The following ANKRD18A variants were observed in gnomAD, a reference collection of about 807,000 sequenced individuals.
The protein encoded by ANKRD18A is ankyrin repeat domain 18A.
ANKRD18A carries 72 observed loss-of-function variants against 110.6 expected under a neutral mutation model. The observed-to-expected ratio is 0.65, with a 90% confidence interval of 0.54 to 0.79. The LOEUF (loss-of-function observed/expected upper bound fraction) is 0.79. Among genes scored for constraint, ANKRD18A ranks in the 30% least tolerant of loss-of-function variants. ANKRD18A has a pLI of 0.00. For synonymous variants in ANKRD18A, 305 were observed against 410.3 expected (o/e 0.74, Z 3.10); for missense variants, 934 against 1,163.3 (o/e 0.80, Z 2.87).
chr9:38,594,222 C>T (rs1042289223), intron 9 of ANKRD18A, among the ~76,000 whole-genome samples: 1 of 152,198 alleles, frequency 6.6e-6, no homozygotes, highest in African/African-American at 2.4e-5. Context: ...CGGATTCCTA[C>T]CTCAGAATAA....
chr9:38,620,421 C>G lies in ANKRD18A; in HGVS notation c.-136G>C, dbSNP rs1826046515. ...CCCCCCCGCAACCCGCGATCCACCCCCAAATCCAAGATCCACCCCCAAACC... is the reference window on the plus strand; with the variant it reads ...CCCCCCCGCAACCCGCGATCCACCCGCAAATCCAAGATCCACCCCCAAACC... On this transcript the variant is annotated 5_prime_UTR_variant, in exon 1 of 16. Transcript: ENST00000399703. 2.2e-5 allele frequency: 30 copies of G among 1,376,366 alleles called. No individual in the cohort carries two copies. The highest frequency in any genetic ancestry group is 2.6e-4 in the Middle Eastern group (1 of 3,820). The allele number at this position is 1,376,366 out of a possible 1,614,324, so 85.3% of individuals were successfully genotyped here.
At chr9:38,591,608 C>A (rs1410066776) in intron 10 of ANKRD18A, among the ~76,000 whole-genome samples, 1 of 152,246 alleles carries the variant, frequency 6.6e-6, no homozygotes, top group East Asian at 1.9e-4. Context: ...TTTTTTATCT[C>A]TTGACCATTG....
At chr9:38,582,480 A>G (rs180900912) in intron 12 of ANKRD18A, among the ~76,000 whole-genome samples, 2 of 152,348 alleles carry the variant, frequency 1.3e-5, no homozygotes, top group African/African-American at 2.4e-5. Context: ...AGTAAATTCA[A>G]TTTGGTCCTC....
In ANKRD18A at chr9:38,601,112, A is replaced by T. The variant is rs564658681; in HGVS notation, c.936+19T>A. The T allele has an allele frequency of 9.1e-6, 14 of 1,546,460 alleles. No homozygotes were observed. The highest frequency in any genetic ancestry group is 1.2e-5 in the Non-Finnish European group (14 of 1,143,584). On this transcript the variant is annotated intron_variant, in intron 8 of 15. Coordinates refer to ENST00000399703, the MANE Select transcript of ANKRD18A (RefSeq NM_147195.4). ...ACAAACAAACCAGTATTAAACCAGA[A>T]ATTTAAATTGTTACATACCTGTGGC...
intron 3 of ANKRD18A, among the ~76,000 whole-genome samples, chr9:38,612,731 A>G (rs1309243807): frequency 6.6e-6 from 1 of 151,936 alleles, no homozygotes; most frequent in African/African-American, 2.4e-5. Flanking sequence ...GTTAGCCAGG[A>G]TGGTCTCCAT....
chr9:38,618,347 T>C (rs1825942169), intron 1 of ANKRD18A, among the ~76,000 whole-genome samples: 1 of 152,340 alleles, frequency 6.6e-6, no homozygotes, highest in South Asian at 2.1e-4. Flanking sequence ...AGTATGTTTG[T>C]GTGTATGTGC....
At chr9:38,568,939 G>A, downstream of ANKRD18A, 9 of 985,446 alleles carry the variant, frequency 9.1e-6, no homozygotes, top group Non-Finnish European at 9.6e-6. Context: ...TGCCAGGGTT[G>A]TTCGGATGCC....
intron 3 of ANKRD18A, among the ~76,000 whole-genome samples, chr9:38,614,224 T>TGTTG (rs1378784849): frequency 0.049 from 7,019 of 143,156 alleles, 518 homozygotes; most frequent in African/African-American, 0.16. Flanking sequence ...CTGAGGTTTT[T>TGTTG]TTTTTTTTTT....
chr9:38,583,596 G>C (rs1824252781), intron 12 of ANKRD18A, among the ~76,000 whole-genome samples: 1 of 152,030 alleles, frequency 6.6e-6, no homozygotes, highest in South Asian at 2.1e-4. Context: ...CACCATGTTG[G>C]CCAGGATGCT....
Position 38,571,746 on chromosome 9 carries a change from C to G in ANKRD18A, c.*299G>C. On this transcript the variant is annotated 3_prime_UTR_variant, in exon 16 of 16. Coordinates refer to ENST00000399703, the MANE Select transcript of ANKRD18A (RefSeq NM_147195.4). ...ATTCAGGCAATTTGAGTAGGCCAAA[C>G]TCAATAACGCTGGTGTTCATTTGCA... 9.3e-7 allele frequency: 1 copy of G among 1,071,630 alleles called. No individual in the cohort carries two copies. Among genetic ancestry groups the G allele is most frequent in the Non-Finnish European group, 1.1e-6 (1 of 885,704 alleles). The allele number at this position is 1,071,630 out of a possible 1,614,324, so 66.4% of individuals were successfully genotyped here.
chr9:38,590,093 G>T (rs1284234595), intron 10 of ANKRD18A, among the ~76,000 whole-genome samples: 2 of 151,946 alleles, frequency 1.3e-5, no homozygotes, highest in Non-Finnish European at 1.5e-5. Flanking sequence ...AATCTTGAAG[G>T]GGGGCTGTCT....
intron 14 of ANKRD18A, among the ~76,000 whole-genome samples, 164 bp from the exon 15 acceptor site, chr9:38,575,862 A>T (rs1823872175): frequency 6.6e-6 from 1 of 152,222 alleles, no homozygotes; most frequent in Non-Finnish European, 1.5e-5. Flanking sequence ...AAGTAACGGT[A>T]ATTTTAAAAT....
Position 38,603,211 on chromosome 9 carries a change from T to C in ANKRD18A, c.810A>G (p.Glu270=), listed in dbSNP as rs1825206458. The C allele has an allele frequency of 1.9e-6, 3 of 1,551,132 alleles. No homozygotes were observed. In the Middle Eastern group the frequency reaches 5.0e-4, roughly 259 times the overall value. The change falls in exon 7 of 16, where the codon GAA becomes GAG. Residue 270 remains glutamate (E), a splice_region_variant and synonymous_variant. Transcript: ENST00000399703. ...LKNHLRNDNQ[E]TAAMKPANLK... ...AATTTGCAGGCTTCATAGCTGCTGT[T>C]TCTGTCAAACATGCAAACTTGTTAG...
chr9:38,593,143 T>A (rs1253215331), intron 10 of ANKRD18A, among the ~76,000 whole-genome samples: 1 of 152,246 alleles, frequency 6.6e-6, no homozygotes, highest in East Asian at 1.9e-4. Context: ...AGGATCCAGA[T>A]AATTTTCTGA....
At chr9:38,600,744 G>A (rs1051883989) in intron 8 of ANKRD18A, among the ~76,000 whole-genome samples, 3 of 152,102 alleles carry the variant, frequency 2.0e-5, no homozygotes, top group African/African-American at 4.8e-5. Flanking sequence ...TTGAACCACC[G>A]GGAATGATGA....
chr9:38,569,077 T>C (rs1266519388), downstream of ANKRD18A: 1 of 985,222 alleles, frequency 1.0e-6, no homozygotes. Flanking sequence ...TCTTCCATGT[T>C]GGGCTGGTCA....
At chr9:38,571,102 C>G, downstream of ANKRD18A, 1 of 1,521,164 alleles carries the variant, frequency 6.6e-7, no homozygotes, top group East Asian at 2.5e-5. Flanking sequence ...CTAGAAGGCC[C>G]TTTGCTAGTT....
Position 38,586,166 on chromosome 9 carries a change from T to A in ANKRD18A, c.2247+17A>T, listed in dbSNP as rs760608144. ...TAATCTAGACCTTAAGATAAAATAA[T>A]AATTTTTTAAAATTACCTTCTGTTT... On this transcript the variant is annotated intron_variant, in intron 12 of 15. Coordinates refer to ENST00000399703, the MANE Select transcript of ANKRD18A (RefSeq NM_147195.4). 1 of 1,584,650 alleles carries A rather than the reference T, an allele frequency of 6.3e-7. No individual in the cohort carries two copies. Among genetic ancestry groups the A allele is most frequent in the Non-Finnish European group, 8.6e-7 (1 of 1,165,868 alleles).
In ANKRD18A at chr9:38,575,693, T is replaced by A; in HGVS notation, c.2747A>T (p.Asp916Val). Residue 916 changes from aspartate (D) to valine (V), a missense_variant, in exon 15 of 16, where the codon GAT (aspartate) becomes GTT (valine). By Grantham distance (152) the Asp-to-Val change is radical. This residue lies in a region of ANKRD18A where 223 missense variants were observed against 226.7 expected (regional missense o/e 0.98). Transcript: ENST00000399703. ...GGTGCTGATCACTGCTATTTTCTTA[T>A]CCGATCTGTAAAGAGAGCAAAGACA... ...NSMSKKLMKS[D>V]KKIAVISTKL... 6.4e-7 allele frequency: 1 copy of A among 1,550,638 alleles called. No individual in the cohort carries two copies. The highest frequency in any genetic ancestry group is 1.2e-5 in the South Asian group (1 of 83,616).
Sources: allele counts gnomAD v4.1 joint callset (sites outside exome capture counted in the v4.1 genomes callset), GRCh38; gene constraint gnomAD v4.1.1; regional missense constraint gnomAD v4.1.1; transcripts MANE v1.5; gene names NCBI Gene and HGNC (gene_info 2026-07-23, HGNC 2026-07-21).